Variants in PTPRT observed in about 807,000 individuals in gnomAD.
The protein encoded by PTPRT is receptor-type tyrosine-protein phosphatase T.
Under a neutral mutation model 176.8 loss-of-function variants are expected in PTPRT, and 56 were observed. That is an observed-to-expected ratio of 0.32 (90% confidence interval 0.26 to 0.40). The LOEUF (loss-of-function observed/expected upper bound fraction) is 0.40, where lower values mean the gene tolerates loss of function less well. PTPRT is among the 10% of genes least tolerant of loss of function. PTPRT has a pLI of 1.00. For missense variants in PTPRT, 1,540 were observed against 1,908.2 expected, an observed-to-expected ratio of 0.81 and a Z score of 3.60; for synonymous variants, 783 against 739.0, an observed-to-expected ratio of 1.06 and a Z score of -0.96.
intron 9 of PTPRT, among the ~76,000 whole-genome samples, chr20:42,384,612 G>C (rs1401366340): frequency 6.6e-6 from 1 of 152,232 alleles, no homozygotes; most frequent in East Asian, 1.9e-4. Flanking sequence ...CAATTCTTTT[G>C]GGTATATATC....
intron 7 of PTPRT, among the ~76,000 whole-genome samples, chr20:42,564,063 CA>C (rs1454055612): frequency 6.6e-6 from 1 of 152,144 alleles, no homozygotes; most frequent in East Asian, 1.9e-4. Context: ...GGGGTGTTTA[CA>C]GGGCCAGGGC....
intron 1 of PTPRT, among the ~76,000 whole-genome samples, chr20:42,909,613 C>G (rs1218311766): frequency 6.6e-6 from 1 of 152,148 alleles, no homozygotes; most frequent in Non-Finnish European, 1.5e-5. Flanking sequence ...GTGCCTGGCT[C>G]TGGCAGTGAT....
chr20:43,034,347 C>A (rs1200071504), intron 1 of PTPRT, among the ~76,000 whole-genome samples: 3 of 152,046 alleles, frequency 2.0e-5, no homozygotes. Context: ...TGAAACTAAC[C>A]AGGAGCTGAG....
At chr20:42,308,365 T>C (rs1184325612) in intron 12 of PTPRT, among the ~76,000 whole-genome samples, 1 of 152,088 alleles carries the variant, frequency 6.6e-6, no homozygotes, top group Non-Finnish European at 1.5e-5. Context: ...CTAAGAGGAA[T>C]ACAGCCTGGG....
intron 16 of PTPRT, among the ~76,000 whole-genome samples, chr20:42,186,461 A>G (rs753343023): frequency 1.3e-5 from 2 of 151,660 alleles, no homozygotes; most frequent in Non-Finnish European, 2.9e-5. Context: ...GTCTAGCAAT[A>G]GCACAGTCAA....
chr20:42,147,443 C>T (rs910796621), intron 17 of PTPRT, among the ~76,000 whole-genome samples: 2 of 152,180 alleles, frequency 1.3e-5, no homozygotes, highest in African/African-American at 4.8e-5. Context: ...GACAGACTCA[C>T]CAGAGTTTTT....
chr20:43,001,246 C>T (rs970357852), intron 1 of PTPRT, among the ~76,000 whole-genome samples: 27 of 152,100 alleles, frequency 1.8e-4, no homozygotes, highest in Non-Finnish European at 2.2e-4. Context: ...GAGTCACATT[C>T]TAACCAAAAG....
rs886871707 is a variant in PTPRT, at chr20:42,974,205, T to A, written c.89-88273A>T. ...GCAATTAAACAGATAATAATTTGAA[T>A]TCAGTTTTAAGGTCTTGAGAAAATT... On this transcript the variant is annotated intron_variant, in intron 1 of 30. Transcript: ENST00000373187. Among the ~76,000 whole-genome samples, 13 of 152,130 alleles carry A rather than the reference T, an allele frequency of 8.5e-5. 1 individual carries two copies. Among genetic ancestry groups the A allele is most frequent in the Admixed American group, 7.9e-4 (12 of 15,272 alleles).
At chr20:42,124,161 G>A (rs946525278) in intron 19 of PTPRT, among the ~76,000 whole-genome samples, 14 of 152,162 alleles carry the variant, frequency 9.2e-5, no homozygotes, top group African/African-American at 2.9e-4. Flanking sequence ...AAAAGGAAAC[G>A]TACTGCTCAA....
At chr20:42,148,661 C>A (rs761388970) in intron 17 of PTPRT, among the ~76,000 whole-genome samples, 1 of 152,186 alleles carries the variant, frequency 6.6e-6, no homozygotes, top group Non-Finnish European at 1.5e-5. Flanking sequence ...GGCCTTGGTG[C>A]TCTCCTGCTG....
intron 2 of PTPRT, among the ~76,000 whole-genome samples, chr20:42,807,706 A>C (rs1423693855): frequency 6.6e-6 from 1 of 152,118 alleles, no homozygotes; most frequent in African/African-American, 2.4e-5. Context: ...TATTTGAAGA[A>C]ATTCCTGCTT....
chr20:43,143,059 C>T (rs922362434), intron 1 of PTPRT, among the ~76,000 whole-genome samples: 1 of 152,272 alleles, frequency 6.6e-6, no homozygotes. Flanking sequence ...TGGATTCAAA[C>T]CGGGGGCACC....
intron 1 of PTPRT, among the ~76,000 whole-genome samples, chr20:43,052,353 T>C (rs1313726883): frequency 6.6e-6 from 1 of 152,252 alleles, no homozygotes; most frequent in Non-Finnish European, 1.5e-5. Context: ...GCCAGTTCTC[T>C]GGACTACAAA....
At chr20:43,102,854 T>C (rs932272234) in intron 1 of PTPRT, among the ~76,000 whole-genome samples, 44 of 152,282 alleles carry the variant, frequency 2.9e-4, no homozygotes, top group African/African-American at 9.6e-4. Flanking sequence ...CAGAATGAAC[T>C]ACTTAAACCC....
chr20:43,077,662 C>A (rs969525248), intron 1 of PTPRT, among the ~76,000 whole-genome samples: 1 of 152,092 alleles, frequency 6.6e-6, no homozygotes, highest in Non-Finnish European at 1.5e-5. Flanking sequence ...AAAAACACAC[C>A]GGCTTCAGTT....
chr20:42,795,949 G>A (rs754970913), intron 2 of PTPRT, among the ~76,000 whole-genome samples: 6 of 152,172 alleles, frequency 3.9e-5, no homozygotes, highest in African/African-American at 9.7e-5. Context: ...GCCCAATGCC[G>A]TTTATAAAAC....
At chr20:42,319,847 TC>T (rs1239039306) in intron 11 of PTPRT, among the ~76,000 whole-genome samples, 3 of 152,204 alleles carry the variant, frequency 2.0e-5, no homozygotes, top group Non-Finnish European at 4.4e-5. Flanking sequence ...GTGAATGACC[TC>T]CCTTTTGGGG....
intron 7 of PTPRT, among the ~76,000 whole-genome samples, chr20:42,539,043 C>T (rs1258578690): frequency 3.3e-5 from 5 of 152,128 alleles, no homozygotes; most frequent in Admixed American, 1.3e-4. Flanking sequence ...GTTGGACCAC[C>T]GTGTGTACAC....
chr20:42,544,342 T>C (rs1464515108), intron 7 of PTPRT, among the ~76,000 whole-genome samples: 3 of 152,206 alleles, frequency 2.0e-5, no homozygotes, highest in African/African-American at 4.8e-5. Flanking sequence ...AAAACTTATT[T>C]CCTTAAACCT....
Sources: gnomAD v4.1 joint callset for allele counts (sites outside exome capture counted in the v4.1 genomes callset) on GRCh38, gnomAD v4.1.1 for gene constraint, MANE v1.5 for transcripts, NCBI Gene and HGNC (gene_info 2026-07-23, HGNC 2026-07-21) for gene names.